AP3S1: variants seen among roughly 807,000 people sequenced by gnomAD.
The protein encoded by AP3S1 is AP-3 complex subunit sigma-1.
AP3S1 carries 12 observed loss-of-function variants against 21.3 expected under a neutral mutation model. The ratio of observed to expected loss-of-function variants is 0.56; its 90% CI spans 0.36 to 0.91. The LOEUF is 0.91. Ranked by LOEUF, AP3S1 falls within the 40% of genes least tolerant of loss-of-function variation. The pLI, the probability that AP3S1 is intolerant of heterozygous loss-of-function variation, is 0.01. For synonymous variants in AP3S1, 48 were observed against 78.4 expected, an observed-to-expected ratio of 0.61 and a Z score of 2.05; for missense variants, 116 against 225.0, an observed-to-expected ratio of 0.52 and a Z score of 3.10.
At chr5:115,842,280 C>T (rs989857168) in intron 1 of AP3S1, among the ~76,000 whole-genome samples, 174 bp downstream of exon 1, 37 of 152,166 alleles carry the variant, frequency 2.4e-4, no homozygotes, top group African/African-American at 8.9e-4. Flanking sequence ...GGGTGCCCAC[C>T]TCCCTGCCGC....
intron 1 of AP3S1, among the ~76,000 whole-genome samples, chr5:115,848,332 CT>C (rs1298970481): frequency 6.6e-6 from 1 of 152,026 alleles, no homozygotes; most frequent in Non-Finnish European, 1.5e-5. Flanking sequence ...TAGGATATAC[CT>C]TTTAGACATT....
chr5:115,867,060 T>G (rs971748894), intron 2 of AP3S1, among the ~76,000 whole-genome samples: 4 of 152,148 alleles, frequency 2.6e-5, no homozygotes, highest in Admixed American at 6.5e-5. Flanking sequence ...ACCTTAGTCC[T>G]TCTACCCAAT....
intron 3 of AP3S1, among the ~76,000 whole-genome samples, chr5:115,881,685 G>A (rs192433649): frequency 4.7e-4 from 71 of 152,174 alleles, no homozygotes; most frequent in African/African-American, 1.7e-3. Flanking sequence ...GTGTCTTGGG[G>A]TTGCTTTTCT....
intron 1 of AP3S1, among the ~76,000 whole-genome samples, chr5:115,864,143 C>G (rs1194414851): frequency 6.6e-6 from 1 of 152,208 alleles, no homozygotes; most frequent in Admixed American, 6.5e-5. Context: ...CTATCTTTAT[C>G]TATAAAGCTG....
chr5:115,865,902 G>A (rs949321543), intron 1 of AP3S1, among the ~76,000 whole-genome samples: 1 of 152,140 alleles, frequency 6.6e-6, no homozygotes, highest in South Asian at 2.1e-4. Flanking sequence ...GGGTTCAAGC[G>A]ATTCTCCTGC....
chr5:115,875,343 T>C (rs1381512455), intron 3 of AP3S1, among the ~76,000 whole-genome samples: 3 of 152,172 alleles, frequency 2.0e-5, no homozygotes, highest in Non-Finnish European at 4.4e-5. Flanking sequence ...TGGCAAATTA[T>C]GGCGAGGTAG....
chr5:115,866,866 A>C lies in AP3S1; in HGVS notation c.161+105A>C, dbSNP rs1763663192. 4 of 543,044 alleles carry C rather than the reference A, an allele frequency of 7.4e-6. No individual in the cohort carries two copies. In the East Asian group the frequency reaches 1.4e-4, roughly 19 times the overall value. 33.6% of individuals were successfully genotyped at this position (543,044 alleles called of 1,614,324 possible). On this transcript the variant is annotated intron_variant, in intron 2 of 5. Transcript: ENST00000316788. ...AAGTTTTCTACTTTTGATTAATTGGATTAGGTGAATTAATTGCCACCTATG... is the reference window on the plus strand; with the variant it reads ...AAGTTTTCTACTTTTGATTAATTGGCTTAGGTGAATTAATTGCCACCTATG...
intron 1 of AP3S1, among the ~76,000 whole-genome samples, chr5:115,846,074 T>C (rs1203158362): frequency 6.6e-6 from 1 of 151,996 alleles, no homozygotes; most frequent in Admixed American, 6.6e-5. Flanking sequence ...CTAATGAGAC[T>C]TATATTTTAT....
chr5:115,912,244 A>G (rs1752165167), intron 5 of AP3S1: 1 of 152,020 alleles, frequency 6.6e-6, no homozygotes, highest in Non-Finnish European at 1.5e-5. Flanking sequence ...TTCTAATTTT[A>G]TGGACATTGC....
chr5:115,904,123 C>G (rs957521718), intron 5 of AP3S1: 6 of 152,070 alleles, frequency 3.9e-5, no homozygotes, highest in Admixed American at 3.9e-4. Flanking sequence ...CATTCACCAC[C>G]CAACTTGTTT....
intron 1 of AP3S1, among the ~76,000 whole-genome samples, chr5:115,858,361 C>T (rs1762939174): frequency 1.3e-5 from 2 of 152,064 alleles, no homozygotes; most frequent in South Asian, 4.1e-4. Context: ...TTTTAGTTTC[C>T]AGTGTTGCTA....
intron 1 of AP3S1, among the ~76,000 whole-genome samples, chr5:115,863,736 A>G (rs1412042847): frequency 4.6e-5 from 7 of 152,212 alleles, no homozygotes; most frequent in Admixed American, 4.6e-4. Flanking sequence ...ATAGAATATG[A>G]TTTGAGAAAA....
intron 3 of AP3S1, 109 bp downstream of exon 3, chr5:115,870,237 A>G: frequency 3.1e-6 from 2 of 651,192 alleles, no homozygotes; most frequent in Non-Finnish European, 5.1e-6. Flanking sequence ...GAAATAAAGC[A>G]TTTCATAATA....
chr5:115,895,901 A>G (rs2112549208), intron 4 of AP3S1, among the ~76,000 whole-genome samples: 1 of 152,312 alleles, frequency 6.6e-6, no homozygotes, highest in Non-Finnish European at 1.5e-5. Context: ...GCTTATTGAA[A>G]GCTGAAGGTG....
At chr5:115,910,756 G>T (rs1250665910) in intron 5 of AP3S1, among the ~76,000 whole-genome samples, 4 of 151,834 alleles carry the variant, frequency 2.6e-5, no homozygotes, top group Admixed American at 2.0e-4. Flanking sequence ...AACATCTGTT[G>T]ATCAATTGTC....
Position 115,884,257 on chromosome 5 carries a change from A to G in AP3S1, c.274-10830A>G, listed in dbSNP as rs932992258. The stretch of plus-strand genomic sequence containing the variant: ...TATCTCTTAATTTTTAGAAGTTCAT[A>G]TATTATGGTTACTCTTAAGTTATCT... On this transcript the variant is annotated intron_variant, in intron 3 of 5. Transcript: ENST00000316788. Among the ~76,000 whole-genome samples the G allele has an allele frequency of 3.6e-4, 55 of 152,292 alleles. 1 individual carries two copies. Among genetic ancestry groups the G allele is most frequent in the South Asian group, 1.7e-3 (8 of 4,826 alleles).
At chr5:115,913,233 A>G (rs1752239415) in intron 5 of AP3S1, 129 bp from the exon 6 acceptor site, 2 of 905,662 alleles carry the variant, frequency 2.2e-6, no homozygotes, top group Non-Finnish European at 3.1e-6. Context: ...ATACCAATTC[A>G]AACTACCATC....
chr5:115,910,912 A>G (rs751832005), intron 5 of AP3S1, among the ~76,000 whole-genome samples: 1 of 152,292 alleles, frequency 6.6e-6, no homozygotes, highest in Non-Finnish European at 1.5e-5. Flanking sequence ...AGTATTGAAC[A>G]TGCTTGAGAA....
intron 3 of AP3S1, among the ~76,000 whole-genome samples, chr5:115,890,735 G>T (rs901101185): frequency 1.3e-5 from 2 of 152,100 alleles, no homozygotes; most frequent in Non-Finnish European, 2.9e-5. Flanking sequence ...CTAAGTTAAA[G>T]ACTATTTTAA....
Sources: gnomAD v4.1 joint callset for allele counts (sites outside exome capture counted in the v4.1 genomes callset) on GRCh38, gnomAD v4.1.1 for gene constraint, MANE v1.5 for transcripts, NCBI Gene and HGNC (gene_info 2026-07-23, HGNC 2026-07-21) for gene names.